Variants in ZBTB20 observed in about 807,000 individuals in gnomAD.
ZBTB20 encodes the protein zinc finger and BTB domain containing 20, also known as zinc finger and BTB domain-containing protein 20.
In ZBTB20, 9 loss-of-function variants were observed where a neutral mutation model predicts 56.9. That is an observed-to-expected ratio of 0.16 (90% CI 0.10 to 0.28). The LOEUF is 0.28. Ranked by LOEUF, ZBTB20 falls within the 10% of genes least tolerant of loss-of-function variation. The pLI is 1.00. For synonymous variants in ZBTB20, 417 were observed against 420.7 expected, an observed-to-expected ratio of 0.99 and a Z score of 0.11; for missense variants, 655 against 1,003.0, an observed-to-expected ratio of 0.65 and a Z score of 4.69.
intron 2 of ZBTB20, among the ~76,000 whole-genome samples, chr3:115,064,159 T>G (rs2082117552): frequency 1.3e-5 from 2 of 152,158 alleles, no homozygotes; most frequent in Admixed American, 1.3e-4. Context: ...AAGTAAAGAC[T>G]GCTTATTTTT....
rs1483425249 is a variant in ZBTB20 at position 114,350,981 on chromosome 3, G to A, written c.1097C>T (p.Thr366Ile). Reference protein sequence around the residue: ...CTEDTDQAEGTESEPKGESFD... With the variant: ...CTEDTDQAEGIESEPKGESFD... ...GCTTTCACCTTTGGGCTCACTCTCG[G>A]TGCCCTCGGCCTGGTCTGTGTCTTC... The change falls in exon 11 of 12, where the codon ACC becomes ATC. Residue 366 changes from threonine (T) to isoleucine (I), a missense_variant. By Grantham distance (89) the Thr-to-Ile change is moderately conservative. This residue lies in a region of ZBTB20 where 156 missense variants were observed against 181.0 expected (regional missense o/e 0.86). Transcript: ENST00000675478. 1.2e-6 allele frequency: 2 copies of A among 1,608,604 alleles called. No individual in the cohort carries two copies. Among genetic ancestry groups the A allele is most frequent in the African/African-American group, 1.3e-5 (1 of 74,808 alleles).
chr3:114,539,265 A>G (rs1283520816), intron 6 of ZBTB20, among the ~76,000 whole-genome samples: 1 of 152,144 alleles, frequency 6.6e-6, no homozygotes, highest in Non-Finnish European at 1.5e-5. Context: ...CATCATTCAT[A>G]CATTTTAAGT....
At chr3:114,472,314 G>A (rs762527477) in intron 7 of ZBTB20, among the ~76,000 whole-genome samples, 1 of 152,158 alleles carries the variant, frequency 6.6e-6, no homozygotes, top group Non-Finnish European at 1.5e-5. Context: ...ATTCCAACCT[G>A]TTTTTACAGT....
intron 6 of ZBTB20, chr3:114,519,565 T>C (rs1440962363): frequency 6.6e-6 from 1 of 152,202 alleles, no homozygotes; most frequent in Non-Finnish European, 1.5e-5. Flanking sequence ...ACTTCTGTCG[T>C]GCCAGAGGAG....
chr3:114,490,449 T>C (rs2042614817), intron 7 of ZBTB20, among the ~76,000 whole-genome samples: 1 of 151,996 alleles, frequency 6.6e-6, no homozygotes, highest in Non-Finnish European at 1.5e-5. Flanking sequence ...TCTCGAACTC[T>C]TGACCTCGTG....
intron 6 of ZBTB20, among the ~76,000 whole-genome samples, chr3:114,626,854 G>A (rs1485353201): frequency 6.6e-6 from 1 of 152,174 alleles, no homozygotes; most frequent in Non-Finnish European, 1.5e-5. Context: ...GATCATCGCA[G>A]CCTAATTGAT....
intron 7 of ZBTB20, among the ~76,000 whole-genome samples, chr3:114,398,957 AT>A (rs2086574067): frequency 6.6e-6 from 1 of 152,166 alleles, no homozygotes; most frequent in South Asian, 2.1e-4. Flanking sequence ...CAAATAATGA[AT>A]TCCATCTTTC....
At chr3:114,899,849 G>A (rs867282110) in intron 4 of ZBTB20, among the ~76,000 whole-genome samples, 3 of 151,868 alleles carry the variant, frequency 2.0e-5, no homozygotes, top group African/African-American at 2.4e-5. Context: ...TTTCCCATTC[G>A]TCTAGTGCTT....
intron 4 of ZBTB20, among the ~76,000 whole-genome samples, chr3:114,867,909 C>T (rs1400528273): frequency 1.3e-5 from 2 of 152,148 alleles, no homozygotes; most frequent in Non-Finnish European, 2.9e-5. Context: ...AATACCCATT[C>T]AATTACCCCA....
chr3:114,890,044 T>C (rs1010554216), intron 4 of ZBTB20, among the ~76,000 whole-genome samples: 6 of 152,130 alleles, frequency 3.9e-5, no homozygotes, highest in Non-Finnish European at 8.8e-5. Context: ...CTATATCTCA[T>C]AGCCAATAAG....
chr3:114,392,359 G>A (rs1038189504), intron 7 of ZBTB20, among the ~76,000 whole-genome samples: 21 of 152,156 alleles, frequency 1.4e-4, no homozygotes, highest in Non-Finnish European at 2.4e-4. Context: ...ATTTCACACG[G>A]CATGCCTATA....
intron 3 of ZBTB20, among the ~76,000 whole-genome samples, chr3:114,923,832 T>C (rs1414940164): frequency 1.3e-5 from 2 of 151,996 alleles, no homozygotes; most frequent in Non-Finnish European, 2.9e-5. Context: ...GGGTTGATAT[T>C]CAGAATGTAT....
chr3:114,608,221 G>A (rs1274628677), intron 6 of ZBTB20, among the ~76,000 whole-genome samples: 1 of 152,138 alleles, frequency 6.6e-6, no homozygotes, highest in Non-Finnish European at 1.5e-5. Flanking sequence ...CCTGGGAAGA[G>A]CATAGGAAGA....
At chr3:114,632,317 G>A (rs918227188) in intron 6 of ZBTB20, among the ~76,000 whole-genome samples, 1 of 152,078 alleles carries the variant, frequency 6.6e-6, no homozygotes, top group African/African-American at 2.4e-5. Flanking sequence ...TAAATTTAAT[G>A]ACCCTATGTT....
rs138510928 is a variant in ZBTB20 at position 115,087,200 on chromosome 3, T to C, written c.-702-15786A>G. Among the ~76,000 whole-genome samples, 231 of 151,972 alleles carry C rather than the reference T, an allele frequency of 1.5e-3. 1 individual carries two copies. Among genetic ancestry groups the C allele is most frequent in the African/African-American group, 5.3e-3 (221 of 41,514 alleles). ...GGTATCAAAATTTAGCTTATGTTCA[T>C]TTCAAATACCTCAGATTAACTGTAA... is the stretch of plus-strand genomic sequence containing the variant. On this transcript the variant is annotated intron_variant, in intron 1 of 11. Transcript: ENST00000675478.
chr3:114,661,889 T>G (rs1260215354), intron 6 of ZBTB20, among the ~76,000 whole-genome samples: 2 of 152,070 alleles, frequency 1.3e-5, no homozygotes, highest in Non-Finnish European at 2.9e-5. Context: ...TCTCTGAGAT[T>G]AGGATTTTGC....
At chr3:114,921,621 A>T (rs866267652) in intron 3 of ZBTB20, among the ~76,000 whole-genome samples, 4 of 150,202 alleles carry the variant, frequency 2.7e-5, no homozygotes, top group African/African-American at 9.8e-5. Context: ...AGGACAAAAA[A>T]CCAAACACCG....
At chr3:114,888,255 CA>C (rs202221414) in intron 4 of ZBTB20, among the ~76,000 whole-genome samples, 10 of 148,858 alleles carry the variant, frequency 6.7e-5, no homozygotes, top group South Asian at 2.1e-4. Context: ...CCCATTTCTA[CA>C]AAAAAAAAAT....
intron 6 of ZBTB20, among the ~76,000 whole-genome samples, chr3:114,515,394 T>C (rs532310495): frequency 6.6e-6 from 1 of 152,316 alleles, no homozygotes; most frequent in East Asian, 1.9e-4. Context: ...TGAACCCACA[T>C]GTATGTTCTC....
Sources: allele counts gnomAD v4.1 joint callset (sites outside exome capture counted in the v4.1 genomes callset), GRCh38; gene constraint gnomAD v4.1.1; regional missense constraint gnomAD v4.1.1; transcripts MANE v1.5; gene names NCBI Gene and HGNC (gene_info 2026-07-23, HGNC 2026-07-21).